The following PDE4D variants were observed in gnomAD, a reference collection of about 807,000 sequenced individuals.
PDE4D encodes the protein 3',5'-cyclic-AMP phosphodiesterase 4D.
Under a neutral mutation model 87.4 loss-of-function variants are expected in PDE4D, and 24 were observed. That is an observed-to-expected ratio of 0.27 (90% CI 0.20 to 0.39). The LOEUF is 0.39. Ranked by LOEUF, PDE4D falls within the 10% of genes least tolerant of loss-of-function variation. The pLI is 1.00. For missense variants in PDE4D, 714 were observed against 1,041.0 expected, an observed-to-expected ratio of 0.69 and a Z score of 4.32; for synonymous variants, 384 against 383.2, an observed-to-expected ratio of 1.00 and a Z score of -0.02.
intron 1 of PDE4D, among the ~76,000 whole-genome samples, chr5:59,780,839 C>G (rs1764539311): frequency 6.6e-6 from 1 of 152,108 alleles, no homozygotes; most frequent in Non-Finnish European, 1.5e-5. Flanking sequence ...CTGAGGCGAG[C>G]CAACCACTCT....
chr5:59,356,860 G>T, intron 1 of PDE4D: 1 of 1,536,014 alleles, frequency 6.5e-7, no homozygotes, highest in Non-Finnish European at 8.6e-7. Context: ...TAAGGACGAT[G>T]CCAAGATCCC....
intron 2 of PDE4D, among the ~76,000 whole-genome samples, chr5:60,129,748 T>C (rs1779413238): frequency 6.6e-6 from 1 of 152,230 alleles, no homozygotes; most frequent in Admixed American, 6.5e-5. Flanking sequence ...TGTTGTCCTA[T>C]AAAAACTCTA....
chr5:60,073,236 T>C (rs535083292), intron 2 of PDE4D, among the ~76,000 whole-genome samples: 32 of 152,270 alleles, frequency 2.1e-4, no homozygotes, highest in African/African-American at 7.7e-4. Context: ...TGATGAATTT[T>C]ATCAAAAGCC....
intron 1 of PDE4D, among the ~76,000 whole-genome samples, chr5:60,347,104 G>A (rs147642954): frequency 2.9e-4 from 44 of 152,260 alleles, no homozygotes; most frequent in African/African-American, 1.0e-3. Flanking sequence ...GAATGATTGG[G>A]TGATAGCAAA....
At chr5:60,139,774 T>C (rs180916609) in intron 2 of PDE4D, among the ~76,000 whole-genome samples, 1 of 152,182 alleles carries the variant, frequency 6.6e-6, no homozygotes, top group East Asian at 1.9e-4. Flanking sequence ...TTATAAAATA[T>C]ATTTAATATA....
intron 1 of PDE4D, among the ~76,000 whole-genome samples, chr5:59,240,505 A>G (rs563970068): frequency 2.2e-4 from 34 of 152,122 alleles, no homozygotes; most frequent in Non-Finnish European, 4.4e-4. Flanking sequence ...TAGGTGATGA[A>G]TGAATGGCAC....
At chr5:60,423,608 G>A (rs1008616618) in intron 1 of PDE4D, among the ~76,000 whole-genome samples, 3 of 151,964 alleles carry the variant, frequency 2.0e-5, no homozygotes, top group Non-Finnish European at 2.9e-5. Context: ...ATCTAAAATC[G>A]ACACCTTAAC....
intron 1 of PDE4D, among the ~76,000 whole-genome samples, chr5:60,382,523 T>C (rs1489578423): frequency 6.6e-6 from 1 of 152,204 alleles, no homozygotes; most frequent in East Asian, 1.9e-4. Flanking sequence ...TTTAAAAATA[T>C]TCTCATGTGC....
At chr5:59,875,080 T>C (rs539934253) in intron 1 of PDE4D, among the ~76,000 whole-genome samples, 4 of 152,280 alleles carry the variant, frequency 2.6e-5, no homozygotes, top group Admixed American at 6.5e-5. Flanking sequence ...ACAGATTCTC[T>C]GCTCTTTTAG....
intron 1 of PDE4D, among the ~76,000 whole-genome samples, chr5:59,649,932 T>TTTTTTTTTTTTTTTTTTTTTTTTTTG: frequency 7.1e-6 from 1 of 141,836 alleles, no homozygotes; most frequent in South Asian, 2.3e-4. Flanking sequence ...TTTTTTTTTT[T>TTTTTTTTTTTTTTTTTTTTTTTTTTG]AGCAATGACC....
At chr5:59,550,577 T>C (rs1316325414) in intron 1 of PDE4D, among the ~76,000 whole-genome samples, 1 of 152,234 alleles carries the variant, frequency 6.6e-6, no homozygotes, top group East Asian at 1.9e-4. Context: ...GTTAGTTCAC[T>C]ATTGTTTAAT....
chr5:59,549,859 C>G (rs1817830452), intron 1 of PDE4D, among the ~76,000 whole-genome samples: 1 of 151,754 alleles, frequency 6.6e-6, no homozygotes, highest in Admixed American at 6.6e-5. Context: ...TCTACTAACT[C>G]CAAAGTTCAA....
rs1373628180 is a variant in PDE4D, at chr5:59,788,479, T to C, written c.455+104689A>G. On this transcript the variant is annotated intron_variant, in intron 1 of 14. Coordinates refer to ENST00000340635, the MANE Select transcript of PDE4D (RefSeq NM_001104631.2). ...CAGAGAGCTTTTAAGTAAAGAGATGTTGCATATAATTCCGTACAGTATCAG... is the reference window on the plus strand; with the variant it reads ...CAGAGAGCTTTTAAGTAAAGAGATGCTGCATATAATTCCGTACAGTATCAG... 2.0e-5 allele frequency among the ~76,000 whole-genome samples: 3 copies of C among 152,244 alleles called. No individual in the cohort carries two copies. The East Asian group carries it at 5.8e-4, about 29-fold the overall frequency.
intron 2 of PDE4D, among the ~76,000 whole-genome samples, chr5:60,091,355 C>A (rs1775088228): frequency 6.6e-6 from 1 of 152,008 alleles, no homozygotes; most frequent in African/African-American, 2.4e-5. Context: ...GGAAAGCATA[C>A]AAATGGCTAA....
intron 1 of PDE4D, among the ~76,000 whole-genome samples, chr5:59,467,397 C>G (rs1339530629): frequency 6.6e-6 from 1 of 152,100 alleles, no homozygotes; most frequent in Non-Finnish European, 1.5e-5. Flanking sequence ...CATTCTAGGA[C>G]AGCAGGAAAC....
At chr5:59,112,908 C>A (rs532066055) in intron 5 of PDE4D, among the ~76,000 whole-genome samples, 10 of 151,508 alleles carry the variant, frequency 6.6e-5, no homozygotes, top group African/African-American at 2.4e-4. Context: ...TTAAGCGATT[C>A]TCCTGCCTCA....
At chr5:59,229,144 T>C (rs1404551878) in intron 1 of PDE4D, among the ~76,000 whole-genome samples, 2 of 151,792 alleles carry the variant, frequency 1.3e-5, no homozygotes, top group African/African-American at 4.8e-5. Flanking sequence ...AGTGCAGAGA[T>C]TTTTTTTTAA....
chr5:59,177,387 T>C (rs1273198144), intron 5 of PDE4D, among the ~76,000 whole-genome samples: 8 of 152,192 alleles, frequency 5.3e-5, no homozygotes, highest in African/African-American at 1.9e-4. Flanking sequence ...GTTCTATGTA[T>C]ACAGTGGGCC....
chr5:59,034,372 A>G (rs1184323878), intron 6 of PDE4D, among the ~76,000 whole-genome samples: 1 of 152,222 alleles, frequency 6.6e-6, no homozygotes, highest in Non-Finnish European at 1.5e-5. Flanking sequence ...CTATAAAACT[A>G]ACATGCCTTT....
Sources: gnomAD v4.1 joint callset for allele counts (sites outside exome capture counted in the v4.1 genomes callset) on GRCh38, gnomAD v4.1.1 for gene constraint, MANE v1.5 for transcripts, NCBI Gene and HGNC (gene_info 2026-07-23, HGNC 2026-07-21) for gene names.